MALRD1: variants seen among roughly 807,000 people sequenced by gnomAD.
MALRD1 encodes MAM and LDL-receptor class A domain-containing protein 1.
A neutral mutation model predicts 242.1 loss-of-function variants in MALRD1; 247 were observed. That is an observed-to-expected ratio of 1.02 (90% confidence interval 0.92 to 1.13). The LOEUF is 1.13. Ranked by LOEUF, MALRD1 falls within the 50% of genes most tolerant of loss-of-function variation. The pLI is 0.00. For synonymous variants in MALRD1, 995 were observed against 866.6 expected (o/e 1.15, Z -2.60); for missense variants, 2,989 against 2,533.1 (o/e 1.18, Z -3.86).
rs1363521665 is a variant in MALRD1, at chr10:19,355,036, G to A, written c.4441+2739G>A. 1.3e-5 allele frequency among the ~76,000 whole-genome samples: 2 copies of A among 152,160 alleles called. 1 individual carries two copies. Among genetic ancestry groups the A allele is most frequent in the East Asian group, 3.9e-4 (2 of 5,186 alleles). ...GCTCAAGAATTTGGAACCACACTTA[G>A]AGCTCATAGGAGGGAAAGATCCCTT... On this transcript the variant is annotated intron_variant, in intron 26 of 39. Coordinates refer to ENST00000454679, the MANE Select transcript of MALRD1 (RefSeq NM_001142308.3).
intron 28 of MALRD1, among the ~76,000 whole-genome samples, chr10:19,405,279 C>T (rs1339727147): frequency 6.6e-6 from 1 of 152,114 alleles, no homozygotes; most frequent in Non-Finnish European, 1.5e-5. Flanking sequence ...TTATGTTCAA[C>T]AAGAAGGGTC....
chr10:19,309,528 G>A (rs1006497645), intron 21 of MALRD1, among the ~76,000 whole-genome samples: 7 of 151,534 alleles, frequency 4.6e-5, no homozygotes, highest in Admixed American at 1.3e-4. Context: ...CAGGTGCTGG[G>A]GGAAATGACA....
intron 31 of MALRD1, among the ~76,000 whole-genome samples, chr10:19,510,053 G>T (rs1833325277): frequency 6.6e-6 from 1 of 152,140 alleles, no homozygotes; most frequent in African/African-American, 2.4e-5. Context: ...AGTGGAGAGA[G>T]GGTCAGCAGG....
At chr10:19,245,439 G>C (rs1839001334) in intron 18 of MALRD1, among the ~76,000 whole-genome samples, 1 of 152,134 alleles carries the variant, frequency 6.6e-6, no homozygotes, top group Non-Finnish European at 1.5e-5. Flanking sequence ...TATGCATACT[G>C]TATTCTCTCC....
At chr10:19,047,813 A>T (rs971060920), upstream of MALRD1, among the ~76,000 whole-genome samples, 1 of 152,118 alleles carries the variant, frequency 6.6e-6, no homozygotes, top group Non-Finnish European at 1.5e-5. Flanking sequence ...TAGAACATTT[A>T]AAAAAATGCT....
chr10:19,273,621 A>C (rs1038880849), intron 19 of MALRD1, among the ~76,000 whole-genome samples: 1 of 152,228 alleles, frequency 6.6e-6, no homozygotes, highest in Admixed American at 6.5e-5. Context: ...AGAAGAAGCC[A>C]ATATGAAAAG....
At chr10:19,234,998 G>C (rs1418952702) in intron 18 of MALRD1, among the ~76,000 whole-genome samples, 1 of 152,144 alleles carries the variant, frequency 6.6e-6, no homozygotes, top group African/African-American at 2.4e-5. Context: ...GCTGATGTGG[G>C]AAACAACTAA....
At chr10:19,136,822 C>A in intron 10 of MALRD1, 41 bp downstream of exon 10, 1 of 1,182,008 alleles carries the variant, frequency 8.5e-7, no homozygotes, top group Non-Finnish European at 1.1e-6. Flanking sequence ...TGCTCTAATT[C>A]AAGACTGTTA....
intron 32 of MALRD1, among the ~76,000 whole-genome samples, chr10:19,547,688 A>G (rs1376897094): frequency 6.8e-6 from 1 of 147,532 alleles, no homozygotes; most frequent in Non-Finnish European, 1.5e-5. Flanking sequence ...TAATGAATTG[A>G]CATACTTCAC....
At chr10:19,097,400 T>A (rs930214672) in intron 4 of MALRD1, among the ~76,000 whole-genome samples, 1 of 152,232 alleles carries the variant, frequency 6.6e-6, no homozygotes, top group African/African-American at 2.4e-5. Context: ...CATTAAATAT[T>A]CTTTTGTCTG....
At chr10:19,688,172 G>A (rs1211718622) in intron 36 of MALRD1, among the ~76,000 whole-genome samples, 1 of 152,128 alleles carries the variant, frequency 6.6e-6, no homozygotes, top group Admixed American at 6.5e-5. Flanking sequence ...GTTTTGCCAT[G>A]TTGGCCAGGC....
chr10:19,454,485 A>G (rs1442254066), intron 29 of MALRD1, among the ~76,000 whole-genome samples: 2 of 143,554 alleles, frequency 1.4e-5, no homozygotes, highest in Admixed American at 7.1e-5. Flanking sequence ...TAATGGTAAT[A>G]CAGATATTCC....
At chr10:19,294,916 AT>A (rs1269646976) in intron 21 of MALRD1, among the ~76,000 whole-genome samples, 1 of 152,138 alleles carries the variant, frequency 6.6e-6, no homozygotes. Context: ...AAGCATATAT[AT>A]TTTTAATAAA....
chr10:19,194,586 T>C (rs1836147874), intron 14 of MALRD1, among the ~76,000 whole-genome samples: 1 of 152,130 alleles, frequency 6.6e-6, no homozygotes, highest in South Asian at 2.1e-4. Flanking sequence ...CATCCTTTCT[T>C]TACTATTCAA....
intron 25 of MALRD1, among the ~76,000 whole-genome samples, chr10:19,349,578 A>G (rs1844282391): frequency 6.6e-6 from 1 of 152,154 alleles, no homozygotes; most frequent in African/African-American, 2.4e-5. Flanking sequence ...TTTGGCAAAA[A>G]TTGAGTTTTT....
At chr10:19,078,274 T>C (rs1241004063) in intron 2 of MALRD1, among the ~76,000 whole-genome samples, 5 of 151,914 alleles carry the variant, frequency 3.3e-5, no homozygotes, top group African/African-American at 1.2e-4. Flanking sequence ...TAAGAGAGTG[T>C]TAAGACTTTG....
chr10:19,727,994 C>T (rs566269508), intron 38 of MALRD1, among the ~76,000 whole-genome samples: 14 of 152,100 alleles, frequency 9.2e-5, no homozygotes, highest in African/African-American at 3.4e-4. Flanking sequence ...TAGCAATTTC[C>T]TTCATGGAAG....
At chr10:19,525,195 G>C (rs1277865496) in intron 31 of MALRD1, among the ~76,000 whole-genome samples, 4 of 151,616 alleles carry the variant, frequency 2.6e-5, no homozygotes, top group Admixed American at 6.6e-5. Context: ...GATTACAGGC[G>C]TGAGCCACCG....
At position 19,389,383 on chromosome 10, in the gene MALRD1, T is replaced by C. The variant is rs1191141652; in HGVS notation, c.4688-69T>C. The C allele has an allele frequency of 2.7e-6, 4 of 1,471,620 alleles. No individual in the cohort carries two copies. In the African/African-American group the frequency reaches 4.2e-5, roughly 15 times the overall value. 91.2% of individuals were successfully genotyped at this position (1,471,620 alleles called of 1,614,324 possible). On this transcript the variant is annotated intron_variant, in intron 27 of 39. Transcript: ENST00000454679. ...GAATTGTAATTAAAGACCCTAACTA[T>C]GATGGAAATGCAAAAATAATCCCAT...
Sources: gnomAD v4.1 joint callset for allele counts (sites outside exome capture counted in the v4.1 genomes callset) on GRCh38, gnomAD v4.1.1 for gene constraint, MANE v1.5 for transcripts, NCBI Gene and HGNC (gene_info 2026-07-23, HGNC 2026-07-21) for gene names.